The following EPHA6 variants were observed in gnomAD, a reference collection of about 807,000 sequenced individuals.
EPHA6 encodes ephrin type-A receptor 6.
Under a neutral mutation model 112.0 loss-of-function variants are expected in EPHA6, and 50 were observed. The observed-to-expected ratio is 0.45, with a 90% CI of 0.36 to 0.56. EPHA6 has a LOEUF of 0.56. Ranked by LOEUF, EPHA6 falls within the 20% of genes least tolerant of loss-of-function variation. The pLI, the probability that EPHA6 is intolerant of heterozygous loss-of-function variation, is 0.00. For missense variants in EPHA6, 1,280 were observed against 1,417.4 expected (o/e 0.90, Z 1.56); for synonymous variants, 529 against 490.7 (o/e 1.08, Z -1.03).
At chr3:97,112,642 G>GT (rs1403586338) in intron 3 of EPHA6, among the ~76,000 whole-genome samples, 15 of 146,688 alleles carry the variant, frequency 1.0e-4, no homozygotes, top group African/African-American at 3.0e-4. Context: ...CACTATGAGT[G>GT]GTTTTTTTTT....
chr3:97,234,135 G>A (rs1021775346), intron 4 of EPHA6, among the ~76,000 whole-genome samples: 3 of 151,974 alleles, frequency 2.0e-5, no homozygotes, highest in Non-Finnish European at 4.4e-5. Context: ...TGTCTCAAAT[G>A]GCTACAGTCT....
At chr3:97,281,408 T>C in intron 5 of EPHA6, among the ~76,000 whole-genome samples, 1 of 152,202 alleles carries the variant, frequency 6.6e-6, no homozygotes, top group Non-Finnish European at 1.5e-5. Flanking sequence ...ATTTTATTTT[T>C]ATTTTAACTT....
chr3:97,473,974 C>A (rs562916366), intron 7 of EPHA6, among the ~76,000 whole-genome samples: 1 of 151,940 alleles, frequency 6.6e-6, no homozygotes, highest in Non-Finnish European at 1.5e-5. Flanking sequence ...GAAAACTGAA[C>A]ATAAATGACT....
chr3:97,461,111 T>A (rs1459063423), intron 7 of EPHA6, among the ~76,000 whole-genome samples: 2 of 152,124 alleles, frequency 1.3e-5, no homozygotes, highest in African/African-American at 4.8e-5. Flanking sequence ...ACTAGGCAAC[T>A]GGCAAAAACT....
chr3:97,499,259 T>A (rs1248590149), intron 10 of EPHA6, among the ~76,000 whole-genome samples: 2 of 152,178 alleles, frequency 1.3e-5, no homozygotes, highest in East Asian at 1.9e-4. Flanking sequence ...GATAAAGATA[T>A]AGCTTCCTTA....
chr3:97,167,742 T>C (rs2076577015), intron 3 of EPHA6, among the ~76,000 whole-genome samples: 1 of 152,074 alleles, frequency 6.6e-6, no homozygotes, highest in Admixed American at 6.6e-5. Flanking sequence ...TTTATCCAAG[T>C]CATATTTTTA....
At chr3:96,855,376 C>T (rs72931397) in intron 1 of EPHA6, among the ~76,000 whole-genome samples, 2,768 of 152,108 alleles carry the variant, frequency 0.018, 57 homozygotes, top group African/African-American at 0.046. Flanking sequence ...ATTCTGCTTA[C>T]GACATCCAGT....
At chr3:97,282,266 A>G (rs928488420) in intron 5 of EPHA6, among the ~76,000 whole-genome samples, 6 of 152,210 alleles carry the variant, frequency 3.9e-5, no homozygotes, top group Non-Finnish European at 8.8e-5. Context: ...TGTCAGAGAA[A>G]TGTAAATCAA....
chr3:96,994,732 T>TATATAGAGAGAGAGAGAGAGAGAGAG (rs1170197805), intron 3 of EPHA6, among the ~76,000 whole-genome samples: 2 of 82,204 alleles, frequency 2.4e-5, no homozygotes, highest in African/African-American at 1.3e-4. Flanking sequence ...TATATATATA[T>TATATAGAGAGAGAGAGAGAGAGAGAG]AGAGAGAGAG....
chr3:97,254,333 C>T (rs368262910), intron 5 of EPHA6, among the ~76,000 whole-genome samples: 5 of 152,006 alleles, frequency 3.3e-5, no homozygotes, highest in South Asian at 4.1e-4. Context: ...GGACTATAGG[C>T]GCATGCCACC....
At chr3:97,387,831 A>T (rs1465463253) in intron 5 of EPHA6, among the ~76,000 whole-genome samples, 1 of 152,180 alleles carries the variant, frequency 6.6e-6, no homozygotes. Flanking sequence ...TTTATGAAGA[A>T]AAGAGGTTTA....
chr3:97,721,746 T>G (rs879495358), intron 15 of EPHA6, among the ~76,000 whole-genome samples: 1 of 152,318 alleles, frequency 6.6e-6, no homozygotes, highest in Admixed American at 6.5e-5. Flanking sequence ...GGAATCATAT[T>G]TGAAGGACTC....
chr3:97,538,362 A>C (rs2092791895), intron 11 of EPHA6, among the ~76,000 whole-genome samples: 1 of 152,192 alleles, frequency 6.6e-6, no homozygotes, highest in African/African-American at 2.4e-5. Flanking sequence ...TGGTTTCCAT[A>C]AGTAAAAAGA....
chr3:97,744,250 A>G (rs1439864019), intron 16 of EPHA6, among the ~76,000 whole-genome samples: 1 of 151,984 alleles, frequency 6.6e-6, no homozygotes, highest in Non-Finnish European at 1.5e-5. Flanking sequence ...TGCTGTAAAG[A>G]TATTTCTCAG....
intron 1 of EPHA6, among the ~76,000 whole-genome samples, chr3:96,820,552 C>T (rs2033176034): frequency 6.6e-6 from 1 of 151,980 alleles, no homozygotes; most frequent in East Asian, 1.9e-4. Flanking sequence ...ATTAATTTTT[C>T]ATTATTCTTC....
intron 5 of EPHA6, among the ~76,000 whole-genome samples, chr3:97,393,133 C>T: frequency 6.6e-6 from 1 of 151,814 alleles, no homozygotes; most frequent in Admixed American, 6.6e-5. Context: ...GCCAGGCCAA[C>T]TTTCTGAGAT....
At chr3:96,868,851 T>G (rs1293981339) in intron 2 of EPHA6, among the ~76,000 whole-genome samples, 1 of 152,028 alleles carries the variant, frequency 6.6e-6, no homozygotes, top group Admixed American at 6.6e-5. Context: ...CATAGATTTT[T>G]CTTTTTACTT....
chr3:97,081,692 C>T (rs1056837799), intron 3 of EPHA6, among the ~76,000 whole-genome samples: 49 of 151,460 alleles, frequency 3.2e-4, no homozygotes, highest in African/African-American at 1.1e-3. Context: ...AACTTGCATT[C>T]GCTGTAGTAT....
At chr3:97,561,942 C>T (rs1341021315) in intron 11 of EPHA6, among the ~76,000 whole-genome samples, 1 of 152,084 alleles carries the variant, frequency 6.6e-6, no homozygotes, top group East Asian at 1.9e-4. Flanking sequence ...TTAAATGAAG[C>T]AACAAAGCTT....
Sources: gnomAD v4.1 joint callset for allele counts (sites outside exome capture counted in the v4.1 genomes callset) on GRCh38, gnomAD v4.1.1 for gene constraint, MANE v1.5 for transcripts, NCBI Gene and HGNC (gene_info 2026-07-23, HGNC 2026-07-21) for gene names.